The following TMOD1 variants were observed in gnomAD, a reference collection of about 807,000 sequenced individuals.
TMOD1 encodes tropomodulin-1.
In TMOD1, 17 loss-of-function variants were observed where a neutral mutation model predicts 40.6. The ratio of observed to expected loss-of-function variants is 0.42; its 90% CI spans 0.29 to 0.63. TMOD1 has a LOEUF of 0.63. Ranked by LOEUF, TMOD1 falls within the 20% of genes least tolerant of loss-of-function variation. TMOD1 has a pLI of 0.22. For missense variants in TMOD1, 391 were observed against 447.6 expected, an observed-to-expected ratio of 0.87 and a Z score of 1.14; for synonymous variants, 181 against 175.0, an observed-to-expected ratio of 1.03 and a Z score of -0.27.
At chr9:97,545,028 G>C (rs1392651334) in intron 2 of TMOD1, among the ~76,000 whole-genome samples, 2 of 141,314 alleles carry the variant, frequency 1.4e-5, no homozygotes, top group Non-Finnish European at 3.1e-5. Context: ...AAAAAAAAAA[G>C]GTTGGAGGTG....
intron 2 of TMOD1, among the ~76,000 whole-genome samples, chr9:97,536,403 G>A (rs545968561): frequency 8.6e-4 from 131 of 152,066 alleles, no homozygotes; most frequent in Non-Finnish European, 1.6e-3. Flanking sequence ...AATGGGAGGA[G>A]GGAAGAGGAG....
chr9:97,574,938 C>T (rs117109581), intron 8 of TMOD1, among the ~76,000 whole-genome samples: 2,110 of 152,258 alleles, frequency 0.014, 98 homozygotes, highest in East Asian at 0.13. Context: ...CCAACCAGCT[C>T]TCTATAAAAT....
rs1018713459 is a variant in TMOD1, at chr9:97,546,166, C to A, written c.121-19C>A. 16 of 1,594,910 alleles carry A rather than the reference C, an allele frequency of 1.0e-5. No homozygotes were observed. The highest frequency in any genetic ancestry group is 5.4e-5 in the Admixed American group (3 of 55,580). The stretch of plus-strand genomic sequence containing the variant: ...TCTCTCTTTCTCTCTCTCCTGCCCC[C>A]CCACAACCTCCAATGTAGAATGCAC... On this transcript the variant is annotated intron_variant, in intron 2 of 9. Coordinates refer to ENST00000259365, the MANE Select transcript of TMOD1 (RefSeq NM_003275.4).
chr9:97,546,226 C>T lies in TMOD1; in HGVS notation c.162C>T (p.Thr54=), dbSNP rs750027005. The change falls in exon 3 of 10, where the codon ACC becomes ACT. Residue 54 remains threonine, a synonymous_variant. Transcript: ENST00000259365. The part of the protein sequence containing the change: ...LPAGLRQKDQ[T]TKAPTGPFKR... ...CAGGCCTGAGGCAGAAGGATCAGAC[C>T]ACCAAGGCGCCCACGGGCCCCTTTA... 6.2e-7 allele frequency: 1 copy of T among 1,613,948 alleles called. No individual in the cohort carries two copies. Among genetic ancestry groups the T allele is most frequent in the East Asian group, 2.2e-5 (1 of 44,882 alleles).
At chr9:97,536,854 C>T (rs1262798390) in intron 2 of TMOD1, among the ~76,000 whole-genome samples, 2 of 152,106 alleles carry the variant, frequency 1.3e-5, no homozygotes, top group Non-Finnish European at 2.9e-5. Flanking sequence ...CCAGGGGTCA[C>T]GTTTTGCATT....
intron 9 of TMOD1, among the ~76,000 whole-genome samples, chr9:97,592,820 GC>G (rs1321648943): frequency 2.0e-5 from 3 of 152,136 alleles, no homozygotes; most frequent in Non-Finnish European, 2.9e-5. Flanking sequence ...GGATGTCACA[GC>G]CCAGGAGCTA....
chr9:97,600,908 A>G lies in TMOD1; in HGVS notation c.*1210A>G. ...ATATACCACAGTGCCAGTTAAACTAATATTTTTGTTTGTTGCTTTTGGGAG... is the reference window on the plus strand; with the variant it reads ...ATATACCACAGTGCCAGTTAAACTAGTATTTTTGTTTGTTGCTTTTGGGAG... On this transcript the variant is annotated 3_prime_UTR_variant, in exon 10 of 10. Transcript: ENST00000259365. 3 of 1,157,952 alleles carry G rather than the reference A, an allele frequency of 2.6e-6. No individual in the cohort carries two copies. Among genetic ancestry groups the G allele is most frequent in the Non-Finnish European group, 3.3e-6 (3 of 919,670 alleles). The allele number at this position is 1,157,952 out of a possible 1,614,324, so 71.7% of individuals were successfully genotyped here. A position where few individuals can be genotyped will look rare whatever the true frequency, so the allele number is the denominator to read the frequency against.
chr9:97,551,014 ATTTTTTTTTTTTTTTTTTTT>A lies in TMOD1; in HGVS notation c.278-2258_278-2239del, dbSNP rs55700746. 1.8e-4 allele frequency among the ~76,000 whole-genome samples: 19 copies of A among 104,246 alleles called. No individual in the cohort carries two copies. The East Asian group carries it at 3.4e-3, about 19-fold the overall frequency. The allele number at this position is 104,246 out of a possible 152,430, so 68.4% of individuals were successfully genotyped here. On this transcript the variant is annotated intron_variant, in intron 3 of 9. Coordinates refer to ENST00000259365, the MANE Select transcript of TMOD1 (RefSeq NM_003275.4). ...ATTTTATATATATATATATATATAT[ATTTTTTTTTTTTTTTTTTTT>A]TTTTTTTTAGATGGAGTCTTGCTCT...
At chr9:97,516,888 G>C (rs1587915071) in intron 1 of TMOD1, 2 of 152,184 alleles carry the variant, frequency 1.3e-5, no homozygotes, top group Non-Finnish European at 2.9e-5. Context: ...AAATGAAAAA[G>C]TTCTGGAGAG....
rs376999232 is a variant in TMOD1 at position 97,601,139 on chromosome 9, T to G, written c.*1441T>G. On this transcript the variant is annotated 3_prime_UTR_variant, in exon 10 of 10. Transcript: ENST00000259365. ...ACTGAGGCTGCACATGGCCCAGGAG[T>G]GGCACCATGTTGCAGGGACAACCAT... is the stretch of plus-strand genomic sequence containing the variant. 522 of 1,303,576 alleles carry G rather than the reference T, an allele frequency of 4.0e-4. 7 individuals carry two copies. The Middle Eastern group carries it at 6.2e-3, about 15-fold the overall frequency. The allele number at this position is 1,303,576 out of a possible 1,614,324, so 80.8% of individuals were successfully genotyped here.
At chr9:97,509,382 A>G (rs145780060) in intron 1 of TMOD1, among the ~76,000 whole-genome samples, 26 of 152,330 alleles carry the variant, frequency 1.7e-4, no homozygotes, top group African/African-American at 6.0e-4. Flanking sequence ...AGTGGCCAAC[A>G]GTAGCCTCAA....
Position 97,546,245 on chromosome 9 carries a change from C to A in TMOD1, c.181C>A (p.Pro61Thr), listed in dbSNP as rs746062414. 3.1e-6 allele frequency: 5 copies of A among 1,613,802 alleles called. No individual in the cohort carries two copies. In the East Asian group the frequency reaches 1.1e-4, roughly 36 times the overall value. ...KDQTTKAPTG[P>T]FKREELLDHL... The stretch of plus-strand genomic sequence containing the variant: ...TCAGACCACCAAGGCGCCCACGGGC[C>A]CCTTTAAAAGAGAGGAGCTCTTGGA... Residue 61 changes from proline (P) to threonine (T), a missense_variant, in exon 3 of 10, where the codon CCC (proline) becomes ACC (threonine). Pro to Thr is a conservative substitution (Grantham distance 38, BLOSUM62 -1). Transcript: ENST00000259365.
chr9:97,579,105 T>C (rs1825682873), intron 8 of TMOD1, among the ~76,000 whole-genome samples: 1 of 152,174 alleles, frequency 6.6e-6, no homozygotes, highest in Non-Finnish European at 1.5e-5. Flanking sequence ...ATTTCACCAG[T>C]GTCCCTCTGC....
chr9:97,599,519 CAG>C, intron 9 of TMOD1, 113 bp from the exon 10 acceptor site: 1 of 1,308,500 alleles, frequency 7.6e-7, no homozygotes, highest in South Asian at 1.3e-5. Context: ...CAACAGACTT[CAG>C]ACTCTGTTAA....
Position 97,599,617 on chromosome 9 carries a change from T to G in TMOD1, c.1016-17T>G. The G allele has an allele frequency of 6.2e-7, 1 of 1,614,136 alleles. No individual in the cohort carries two copies. The highest frequency in any genetic ancestry group is 8.5e-7 in the Non-Finnish European group (1 of 1,179,988). On this transcript the variant is annotated splice_polypyrimidine_tract_variant and intron_variant, in intron 9 of 9. Transcript: ENST00000259365. ...ACAGGGAAAAGTGCCTTATATCTTA[T>G]CTCCATTCCTTTCCAGTGAGGAAGA...
chr9:97,546,242 G>A lies in TMOD1; in HGVS notation c.178G>A (p.Gly60Ser), dbSNP rs770906034. 1 of 1,613,888 alleles carries A rather than the reference G, an allele frequency of 6.2e-7. No homozygotes were observed. Among genetic ancestry groups the A allele is most frequent in the Non-Finnish European group, 8.5e-7 (1 of 1,179,996 alleles). The change falls in exon 3 of 10, where the codon GGC (glycine) becomes AGC (serine). Residue 60 changes from glycine (G) to serine (S), a missense_variant. By Grantham distance (56) the Gly-to-Ser change is moderately conservative. Transcript: ENST00000259365. ...QKDQTTKAPT[G>S]PFKREELLDH... is the part of the protein sequence containing the mutation. ...GGATCAGACCACCAAGGCGCCCACG[G>A]GCCCCTTTAAAAGAGAGGAGCTCTT...
chr9:97,573,644 T>C (rs1324520217), intron 8 of TMOD1, among the ~76,000 whole-genome samples: 3 of 152,176 alleles, frequency 2.0e-5, no homozygotes, highest in African/African-American at 7.2e-5. Flanking sequence ...GAGTGCATGA[T>C]CTGAGGTGGA....
chr9:97,517,087 G>T (rs986794748), intron 1 of TMOD1, among the ~76,000 whole-genome samples: 7 of 152,096 alleles, frequency 4.6e-5, no homozygotes, highest in African/African-American at 1.7e-4. Flanking sequence ...TGGCTCACAC[G>T]TATAATCCCA....
intron 1 of TMOD1, among the ~76,000 whole-genome samples, chr9:97,508,564 A>G (rs7044880): frequency 0.17 from 25,858 of 152,138 alleles, 2,259 homozygotes; most frequent in East Asian, 0.2. Flanking sequence ...TAGTTCTTAT[A>G]TGTAAAATGC....
Sources: allele counts gnomAD v4.1 joint callset (sites outside exome capture counted in the v4.1 genomes callset), GRCh38; gene constraint gnomAD v4.1.1; transcripts MANE v1.5; gene names NCBI Gene and HGNC (gene_info 2026-07-23, HGNC 2026-07-21).